The following SOX5 variants were observed in gnomAD, a reference collection of about 807,000 sequenced individuals.
SOX5 encodes the protein SRY-box transcription factor 5.
A neutral mutation model predicts 92.0 loss-of-function variants in SOX5; 9 were observed. That is an observed-to-expected ratio of 0.10 (90% CI 0.06 to 0.17). The LOEUF (loss-of-function observed/expected upper bound fraction) is 0.17, where lower values mean the gene tolerates loss of function less well. Ranked by LOEUF, SOX5 falls within the 10% of genes least tolerant of loss-of-function variation. The pLI is 1.00. For missense variants in SOX5, 642 were observed against 944.5 expected, an observed-to-expected ratio of 0.68 and a Z score of 4.20; for synonymous variants, 344 against 336.3, an observed-to-expected ratio of 1.02 and a Z score of -0.25.
At chr12:24,306,665 C>G (rs1209918824) in intron 2 of SOX5, among the ~76,000 whole-genome samples, 1 of 152,118 alleles carries the variant, frequency 6.6e-6, no homozygotes, top group Admixed American at 6.5e-5. Flanking sequence ...AAACATGGAG[C>G]ATTTTCCTCT....
At chr12:24,113,458 CT>C (rs1325225469) in intron 4 of SOX5, among the ~76,000 whole-genome samples, 1 of 151,860 alleles carries the variant, frequency 6.6e-6, no homozygotes, top group African/African-American at 2.4e-5. Flanking sequence ...TACAAAAATA[CT>C]TTGTTTTGAT....
At chr12:24,099,843 A>G (rs921960725) in intron 4 of SOX5, among the ~76,000 whole-genome samples, 16 of 152,026 alleles carry the variant, frequency 1.1e-4, no homozygotes, top group African/African-American at 3.4e-4. Context: ...CTGATGGGAT[A>G]CTCCCCAATT....
In SOX5 at chr12:23,637,101, G is replaced by A. The variant is rs1592807068; in HGVS notation, c.1017+3711C>T. On this transcript the variant is annotated intron_variant, in intron 8 of 14. Transcript: ENST00000451604. ...TAAAATCATTATGTTTGCACCCAAGGAAAAGAAAACAGGATCCTTTTGTGT... is the reference window on the plus strand; with the variant it reads ...TAAAATCATTATGTTTGCACCCAAGAAAAAGAAAACAGGATCCTTTTGTGT... 3.9e-5 allele frequency among the ~76,000 whole-genome samples: 6 copies of A among 152,196 alleles called. No homozygotes were observed. The South Asian group carries it at 1.2e-3, about 32-fold the overall frequency.
At chr12:23,729,685 A>C (rs1032394139) in intron 6 of SOX5, among the ~76,000 whole-genome samples, 1 of 152,306 alleles carries the variant, frequency 6.6e-6, no homozygotes, top group East Asian at 1.9e-4. Context: ...AATGGGGTAA[A>C]TTTTTGGAAT....
chr12:24,380,772 C>T lies in SOX5; in HGVS notation c.-250-12133G>A, dbSNP rs140676541. ...AGGGCACAATGCATAAGTGAGTAAA[C>T]TGAGGAAAACCAAAGAATTTGGCTG... On this transcript the variant is annotated intron_variant, in intron 1 of 4. Coordinates refer to the SOX5 transcript ENST00000446891. 7.6e-4 allele frequency among the ~76,000 whole-genome samples: 115 copies of T among 152,222 alleles called. 2 individuals carry two copies. In the East Asian group the frequency reaches 0.018, roughly 24 times the overall value.
Position 24,074,328 on chromosome 12 carries a change from A to G in SOX5, c.-2+139015T>C, listed in dbSNP as rs1327336714. Among the ~76,000 whole-genome samples the G allele has an allele frequency of 2.6e-5, 4 of 152,066 alleles. No homozygotes were observed. The East Asian group carries it at 7.7e-4, about 29-fold the overall frequency. The stretch of plus-strand genomic sequence containing the variant: ...CAGATCGAATCAAACCTGTATACTC[A>G]AATTCTAATTCTATAGAAAGACAGT... On this transcript the variant is annotated intron_variant, in intron 4 of 4. Coordinates refer to the SOX5 transcript ENST00000446891.
At chr12:24,278,048 G>A (rs1944697959) in intron 2 of SOX5, among the ~76,000 whole-genome samples, 1 of 152,140 alleles carries the variant, frequency 6.6e-6, no homozygotes, top group African/African-American at 2.4e-5. Context: ...CCAAGAATCA[G>A]ACTTATGAAA....
chr12:23,865,328 C>A (rs949838240), intron 2 of SOX5, among the ~76,000 whole-genome samples: 45 of 152,224 alleles, frequency 3.0e-4, no homozygotes, highest in African/African-American at 1.0e-3. Flanking sequence ...AATATCCATT[C>A]TGCAGCCCAT....
intron 1 of SOX5, among the ~76,000 whole-genome samples, chr12:24,477,484 C>T (rs1016469188): frequency 1.3e-5 from 2 of 151,958 alleles, no homozygotes; most frequent in Admixed American, 6.6e-5. Flanking sequence ...AGTTTTATGA[C>T]TCATATACAA....
chr12:23,930,500 A>G (rs1003928831), intron 1 of SOX5, among the ~76,000 whole-genome samples: 5 of 151,830 alleles, frequency 3.3e-5, no homozygotes, highest in Admixed American at 1.3e-4. Context: ...TATCTAAGGA[A>G]TAAATTAAGG....
At chr12:24,349,344 T>C (rs1233387727) in intron 2 of SOX5, among the ~76,000 whole-genome samples, 2 of 152,222 alleles carry the variant, frequency 1.3e-5, no homozygotes, top group Non-Finnish European at 2.9e-5. Context: ...TCACATTAAG[T>C]ACATTCATAT....
intron 4 of SOX5, among the ~76,000 whole-genome samples, chr12:24,077,772 C>CATATATATATATATATAT (rs35914700): frequency 8.6e-6 from 1 of 116,930 alleles, no homozygotes; most frequent in Non-Finnish European, 1.8e-5. Flanking sequence ...AAGGTATTTT[C>CATATATATATATATATAT]ATATATATAT....
At chr12:24,322,890 C>T (rs1950340429) in intron 2 of SOX5, among the ~76,000 whole-genome samples, 1 of 152,088 alleles carries the variant, frequency 6.6e-6, no homozygotes, top group African/African-American at 2.4e-5. Flanking sequence ...ACTTTCTAGT[C>T]ATTATAACCC....
intron 3 of SOX5, among the ~76,000 whole-genome samples, chr12:24,246,202 T>A (rs1938661500): frequency 6.6e-6 from 1 of 152,160 alleles, no homozygotes; most frequent in South Asian, 2.1e-4. Flanking sequence ...TCACATCACA[T>A]TGACTATTTT....
chr12:24,034,214 T>C (rs1430548872), intron 4 of SOX5, among the ~76,000 whole-genome samples: 4 of 152,088 alleles, frequency 2.6e-5, no homozygotes, highest in Non-Finnish European at 5.9e-5. Context: ...AATGAGTGAA[T>C]GAGAAGGCAT....
intron 1 of SOX5, among the ~76,000 whole-genome samples, chr12:24,538,074 A>ATG: frequency 6.6e-6 from 1 of 152,206 alleles, no homozygotes; most frequent in African/African-American, 2.4e-5. Flanking sequence ...AATATTCTCC[A>ATG]AAGCTATGAA....
intron 3 of SOX5, among the ~76,000 whole-genome samples, chr12:23,808,901 A>T (rs1162898211): frequency 6.6e-6 from 1 of 152,182 alleles, no homozygotes; most frequent in Non-Finnish European, 1.5e-5. Flanking sequence ...CTTAATATTG[A>T]TAAGTATTGA....
At chr12:23,999,502 A>G (rs991858521) in intron 4 of SOX5, among the ~76,000 whole-genome samples, 1 of 152,110 alleles carries the variant, frequency 6.6e-6, no homozygotes, top group Non-Finnish European at 1.5e-5. Flanking sequence ...AGATATGTTA[A>G]CTAGCTGGAT....
intron 3 of SOX5, among the ~76,000 whole-genome samples, chr12:23,777,773 CATAAA>C (rs1029339987): frequency 7.3e-5 from 11 of 151,640 alleles, no homozygotes; most frequent in Admixed American, 3.9e-4. Context: ...TGAAAGAAAA[CATAAA>C]ATAAAACAAA....
Sources: gnomAD v4.1 joint callset for allele counts (sites outside exome capture counted in the v4.1 genomes callset) on GRCh38, gnomAD v4.1.1 for gene constraint, MANE v1.5 for transcripts, NCBI Gene and HGNC (gene_info 2026-07-23, HGNC 2026-07-21) for gene names.